Variants in UGT1A10 observed in about 807,000 individuals in gnomAD.
The protein encoded by UGT1A10 is UDP glucuronosyltransferase family 1 member A10.
A neutral mutation model predicts 45.8 loss-of-function variants in UGT1A10; 49 were observed. The ratio of observed to expected loss-of-function variants is 1.07; its 90% confidence interval spans 0.85 to 1.36. The LOEUF (loss-of-function observed/expected upper bound fraction) is 1.36. UGT1A10 is among the 40% of genes most tolerant of loss of function. The pLI, the probability that UGT1A10 is intolerant of heterozygous loss-of-function variation, is 0.00. For missense variants in UGT1A10, 745 were observed against 668.6 expected (o/e 1.11, Z -1.26); for synonymous variants, 284 against 249.7 (o/e 1.14, Z -1.29).
At chr2:233,718,883 T>C in intron 1 of UGT1A10, 2 of 1,613,952 alleles carry the variant, frequency 1.2e-6, no homozygotes, top group Non-Finnish European at 1.7e-6. Flanking sequence ...TCCTCCTCAG[T>C]GTCCAGCCCT....
At chr2:233,721,199 C>T (rs1012504962) in intron 1 of UGT1A10, among the ~76,000 whole-genome samples, 4 of 152,106 alleles carry the variant, frequency 2.6e-5, no homozygotes, top group Admixed American at 2.0e-4. Context: ...ATTTGTTCTA[C>T]TGGTTTTCTT....
At chr2:233,740,938 A>C (rs1691513941) in intron 1 of UGT1A10, 1 of 151,466 alleles carries the variant, frequency 6.6e-6, no homozygotes, top group Admixed American at 6.6e-5. Context: ...TTTTTTTTTT[A>C]ATTAGCTAGG....
At chr2:233,648,467 T>G (rs1199417388) in intron 1 of UGT1A10, 1 of 158,000 alleles carries the variant, frequency 6.3e-6, no homozygotes, top group East Asian at 1.8e-4. Flanking sequence ...TTTTATTTAT[T>G]TATTTATTTT....
chr2:233,693,232 AATCT>A, intron 1 of UGT1A10: 1 of 1,614,188 alleles, frequency 6.2e-7, no homozygotes, highest in Non-Finnish European at 8.5e-7. Flanking sequence ...ACACAAGAAA[AATCT>A]ATCCAGTGCC....
At chr2:233,771,176 C>T (rs887864017) in intron 4 of UGT1A10, 17 of 152,256 alleles carry the variant, frequency 1.1e-4, no homozygotes, top group African/African-American at 3.6e-4. Context: ...CTGGGGATTA[C>T]AATTCAACAT....
intron 1 of UGT1A10, among the ~76,000 whole-genome samples, chr2:233,697,492 TTTTG>T (rs1207342841): frequency 3.2e-4 from 49 of 151,868 alleles, no homozygotes; most frequent in African/African-American, 9.4e-4. Flanking sequence ...GGTTTGCCAA[TTTTG>T]TTTATCTTTT....
intron 1 of UGT1A10, among the ~76,000 whole-genome samples, chr2:233,674,389 CATA>C (rs1452275212): frequency 6.6e-6 from 1 of 152,126 alleles, no homozygotes; most frequent in Admixed American, 6.6e-5. Flanking sequence ...CTTTACCCTC[CATA>C]AATTATAGTA....
intron 1 of UGT1A10, among the ~76,000 whole-genome samples, chr2:233,720,810 A>T (rs920812777): frequency 6.6e-6 from 1 of 151,018 alleles, no homozygotes; most frequent in Non-Finnish European, 1.5e-5. Context: ...GGTTTAAGAA[A>T]TTCTCCCACC....
intron 1 of UGT1A10, chr2:233,743,968 T>C (rs1283229468): frequency 3.0e-6 from 4 of 1,327,120 alleles, no homozygotes; most frequent in Non-Finnish European, 4.0e-6. Context: ...GCGGCAAGGC[T>C]GCCAGCACCC....
At chr2:233,708,090 C>T (rs192949963) in intron 1 of UGT1A10, among the ~76,000 whole-genome samples, 95 of 152,258 alleles carry the variant, frequency 6.2e-4, no homozygotes, top group Middle Eastern at 3.4e-3. Flanking sequence ...TTTATTCAAA[C>T]GAATTAGAAT....
intron 1 of UGT1A10, among the ~76,000 whole-genome samples, chr2:233,651,151 T>C (rs2073729714): frequency 6.6e-6 from 1 of 152,172 alleles, no homozygotes; most frequent in Non-Finnish European, 1.5e-5. Context: ...AGGCTAGACT[T>C]TTCAAAGTGC....
At chr2:233,763,134 A>G (rs1698246018) in intron 1 of UGT1A10, among the ~76,000 whole-genome samples, 1 of 152,210 alleles carries the variant, frequency 6.6e-6, no homozygotes, top group African/African-American at 2.4e-5. Flanking sequence ...GCATTTATTG[A>G]TATAACCATA....
At chr2:233,692,803 T>C (rs776646803) in intron 1 of UGT1A10, 33 of 1,389,660 alleles carry the variant, frequency 2.4e-5, no homozygotes, top group Non-Finnish European at 2.5e-5. Flanking sequence ...GACACGGCCA[T>C]AGTTGGTTCA....
chr2:233,706,457 A>G, intron 1 of UGT1A10, among the ~76,000 whole-genome samples: 1 of 152,222 alleles, frequency 6.6e-6, no homozygotes. Context: ...ATGACCATTG[A>G]GGTTTCACCA....
chr2:233,643,438 C>G (rs2073512208), intron 1 of UGT1A10, among the ~76,000 whole-genome samples: 1 of 152,060 alleles, frequency 6.6e-6, no homozygotes. Context: ...GAGACTTGCC[C>G]TTCAAGGCAG....
chr2:233,705,482 AATG>A (rs1195612054), intron 1 of UGT1A10, among the ~76,000 whole-genome samples: 1 of 152,198 alleles, frequency 6.6e-6, no homozygotes, highest in Non-Finnish European at 1.5e-5. Context: ...AGGCAAATTT[AATG>A]ATAATAAATA....
chr2:233,743,747 G>A (rs370175895), intron 1 of UGT1A10: 9 of 1,367,226 alleles, frequency 6.6e-6, no homozygotes, highest in African/African-American at 1.5e-5. Flanking sequence ...CTTGGCGTCC[G>A]ACAACACCTC....
rs773195449 is a variant in UGT1A10, at chr2:233,767,876, C to T, written c.1015C>T (p.Pro339Ser). 2 of 1,614,178 alleles carry T rather than the reference C, an allele frequency of 1.2e-6. No homozygotes were observed. The highest frequency in any genetic ancestry group is 3.3e-5 in the Admixed American group (2 of 60,012). ...CCTGTGGCGGTACACTGGAACCCGACCATCGAATCTTGCGAACAACACGAT... is the reference window on the plus strand; with the variant it reads ...CCTGTGGCGGTACACTGGAACCCGATCATCGAATCTTGCGAACAACACGAT... The part of the protein sequence containing the change: ...TVLWRYTGTR[P>S]SNLANNTILV... Residue 339 changes from proline (P) to serine (S), a missense_variant, in exon 3 of 5, where the codon CCA (proline) becomes TCA (serine). By Grantham distance (74) the Pro-to-Ser change is moderately conservative. Coordinates refer to ENST00000344644, the MANE Select transcript of UGT1A10 (RefSeq NM_019075.4).
rs1028385252 is a variant in UGT1A10 at position 233,772,759 on chromosome 2, C to T, written c.*200C>T. On this transcript the variant is annotated 3_prime_UTR_variant, in exon 5 of 5. Transcript: ENST00000344644. ...TCAGTAAAGATATTTGAATATGTAT[C>T]GTGCCCCCTCTGGTGTCTTTGATCA... is the stretch of plus-strand genomic sequence containing the variant. 2.3e-5 allele frequency: 32 copies of T among 1,393,958 alleles called. No individual in the cohort carries two copies. In the Admixed American group the frequency reaches 4.6e-4, roughly 20 times the overall value. The allele number at this position is 1,393,958 out of a possible 1,614,324, so 86.3% of individuals were successfully genotyped here. A position where few individuals can be genotyped will look rare whatever the true frequency, so the allele number is the denominator to read the frequency against.
Sources: allele counts gnomAD v4.1 joint callset (sites outside exome capture counted in the v4.1 genomes callset), GRCh38; gene constraint gnomAD v4.1.1; transcripts MANE v1.5; gene names NCBI Gene and HGNC (gene_info 2026-07-23, HGNC 2026-07-21).